Variants in SLC8A1 observed in about 807,000 individuals in gnomAD.
The protein encoded by SLC8A1 is solute carrier family 8 member A1, also known as sodium/calcium exchanger 1.
SLC8A1 carries 18 observed loss-of-function variants against 68.3 expected under a neutral mutation model. That is an observed-to-expected ratio of 0.26 (90% CI 0.18 to 0.39). The LOEUF (loss-of-function observed/expected upper bound fraction) is 0.39, where lower values mean the gene tolerates loss of function less well. SLC8A1 is among the 10% of genes least tolerant of loss of function. SLC8A1 has a pLI of 1.00. For synonymous variants in SLC8A1, 475 were observed against 415.5 expected, an observed-to-expected ratio of 1.14 and a Z score of -1.74; for missense variants, 985 against 1,156.7, an observed-to-expected ratio of 0.85 and a Z score of 2.15.
At chr2:40,345,627 C>A (rs1669007892) in intron 2 of SLC8A1, among the ~76,000 whole-genome samples, 1 of 152,048 alleles carries the variant, frequency 6.6e-6, no homozygotes, top group Non-Finnish European at 1.5e-5. Flanking sequence ...TTTGTAATGA[C>A]CAGAAAATCT....
intron 2 of SLC8A1, among the ~76,000 whole-genome samples, chr2:40,343,887 TA>T (rs1288789131): frequency 2.6e-5 from 4 of 152,234 alleles, no homozygotes; most frequent in Non-Finnish European, 4.4e-5. Flanking sequence ...TTCCATTTTT[TA>T]TAATAGAATT....
Position 40,135,240 on chromosome 2 carries a change from C to A in SLC8A1, c.2437+4161G>T, listed in dbSNP as rs540148927. Among the ~76,000 whole-genome samples the A allele has an allele frequency of 3.9e-5, 6 of 152,284 alleles. No individual in the cohort carries two copies. In the East Asian group the frequency reaches 9.7e-4, roughly 25 times the overall value. On this transcript the variant is annotated intron_variant, in intron 7 of 7. Coordinates refer to ENST00000406785, the Ensembl canonical transcript of SLC8A1. ...TTATCCTAAGTTAAATAAGAAGTTACTGGAAGACTATAAGCTGTAGTCTGG... is the reference window on the plus strand; with the variant it reads ...TTATCCTAAGTTAAATAAGAAGTTAATGGAAGACTATAAGCTGTAGTCTGG...
intron 1 of SLC8A1, among the ~76,000 whole-genome samples, chr2:40,482,307 CAG>C (rs199669033): frequency 0.028 from 4,238 of 152,244 alleles, 95 homozygotes; most frequent in Non-Finnish European, 0.036. Context: ...GCCTCTGACT[CAG>C]TGCAGAACTG....
At chr2:40,192,323 A>G (rs1378050543) in intron 2 of SLC8A1, among the ~76,000 whole-genome samples, 1 of 150,800 alleles carries the variant, frequency 6.6e-6, no homozygotes, top group East Asian at 2.0e-4. Flanking sequence ...GTGAATGAAA[A>G]AGCAATGATT....
At chr2:40,155,552 C>G (rs188078643) in intron 6 of SLC8A1, among the ~76,000 whole-genome samples, 165 of 152,300 alleles carry the variant, frequency 1.1e-3, no homozygotes, top group Non-Finnish European at 8.7e-4. Flanking sequence ...TGAAAAGTCT[C>G]CTGCTTAGAC....
intron 4 of SLC8A1, among the ~76,000 whole-genome samples, chr2:40,168,096 C>A (rs918053058): frequency 6.6e-6 from 1 of 152,078 alleles, no homozygotes; most frequent in African/African-American, 2.4e-5. Context: ...TACTCCATAC[C>A]ATGTCAGCAC....
chr2:40,287,107 C>T (rs146087161), intron 2 of SLC8A1, among the ~76,000 whole-genome samples: 2 of 152,260 alleles, frequency 1.3e-5, no homozygotes, highest in Non-Finnish European at 2.9e-5. Context: ...TTACACTCAG[C>T]TTGTCTGTCT....
chr2:40,407,383 A>G (rs1280211964), intron 2 of SLC8A1, among the ~76,000 whole-genome samples: 1 of 152,104 alleles, frequency 6.6e-6, no homozygotes, highest in Admixed American at 6.5e-5. Context: ...TTCCTCATGG[A>G]CTGGTTCCTT....
intron 7 of SLC8A1, among the ~76,000 whole-genome samples, chr2:40,121,587 A>T (rs1233843136): frequency 6.6e-6 from 1 of 152,098 alleles, no homozygotes; most frequent in Non-Finnish European, 1.5e-5. Flanking sequence ...GAATTACCTA[A>T]ATTGATTGAA....
At chr2:40,427,454 T>C (rs1697170673) in intron 2 of SLC8A1, among the ~76,000 whole-genome samples, 1 of 152,146 alleles carries the variant, frequency 6.6e-6, no homozygotes, top group African/African-American at 2.4e-5. Flanking sequence ...ATCATTCATT[T>C]TAACGTCGTT....
chr2:40,416,525 TA>T (rs953409529), intron 2 of SLC8A1, among the ~76,000 whole-genome samples: 8 of 152,142 alleles, frequency 5.3e-5, no homozygotes, highest in Non-Finnish European at 7.3e-5. Context: ...TGTCATTTTT[TA>T]AAAAAATTTT....
chr2:40,168,380 G>C (rs1462168134), intron 4 of SLC8A1, among the ~76,000 whole-genome samples: 2 of 152,178 alleles, frequency 1.3e-5, no homozygotes, highest in African/African-American at 4.8e-5. Context: ...GTTCATTCCA[G>C]GCAGAGAGAA....
intron 2 of SLC8A1, among the ~76,000 whole-genome samples, chr2:40,375,793 G>GAA (rs1679650365): frequency 6.6e-6 from 1 of 151,988 alleles, no homozygotes; most frequent in African/African-American, 2.4e-5. Context: ...GCTTGAGCTC[G>GAA]AAAGTTGAAG....
intron 2 of SLC8A1, among the ~76,000 whole-genome samples, chr2:40,208,215 C>T (rs1210469385): frequency 6.6e-6 from 1 of 152,098 alleles, no homozygotes; most frequent in African/African-American, 2.4e-5. Flanking sequence ...AAGAAAATTC[C>T]TCAAGTTTCT....
chr2:40,250,332 T>A (rs925768517), intron 2 of SLC8A1: 4 of 152,148 alleles, frequency 2.6e-5, no homozygotes, highest in Non-Finnish European at 5.9e-5. Flanking sequence ...AATATATGCA[T>A]TACGAAGAGA....
intron 7 of SLC8A1, among the ~76,000 whole-genome samples, chr2:40,128,199 C>A (rs764206106): frequency 1.3e-5 from 2 of 152,176 alleles, no homozygotes; most frequent in Non-Finnish European, 2.9e-5. Flanking sequence ...GTAAGCTTTG[C>A]CTTTTAAATT....
At chr2:40,309,340 G>A (rs1025213254) in intron 2 of SLC8A1, among the ~76,000 whole-genome samples, 1 of 152,014 alleles carries the variant, frequency 6.6e-6, no homozygotes, top group African/African-American at 2.4e-5. Context: ...TCTTCCCTAG[G>A]GAAAGAGTGC....
Position 40,203,526 on chromosome 2 carries a change from C to A in SLC8A1, c.1809-25671G>T, listed in dbSNP as rs570791057. On this transcript the variant is annotated intron_variant, in intron 2 of 7. Coordinates refer to ENST00000406785, the Ensembl canonical transcript of SLC8A1. ...ATGCCATTCTGTAATATGCCTACTGCTAACACTTCCATTAGTTGCTCAAGA... is the reference window on the plus strand; with the variant it reads ...ATGCCATTCTGTAATATGCCTACTGATAACACTTCCATTAGTTGCTCAAGA... 2.6e-5 allele frequency among the ~76,000 whole-genome samples: 4 copies of A among 152,078 alleles called. No homozygotes were observed. The South Asian group carries it at 8.3e-4, about 31-fold the overall frequency.
At chr2:40,379,749 T>C (rs1681118869) in intron 2 of SLC8A1, among the ~76,000 whole-genome samples, 1 of 152,066 alleles carries the variant, frequency 6.6e-6, no homozygotes, top group African/African-American at 2.4e-5. Flanking sequence ...GCTTCTTCTT[T>C]GCTCATTTTC....
Sources: gnomAD v4.1 joint callset for allele counts (sites outside exome capture counted in the v4.1 genomes callset) on GRCh38, gnomAD v4.1.1 for gene constraint, MANE v1.5 for transcripts, NCBI Gene and HGNC (gene_info 2026-07-23, HGNC 2026-07-21) for gene names.